WWOX: variants seen among roughly 807,000 people sequenced by gnomAD.
WWOX encodes the protein WW domain-containing oxidoreductase.
WWOX carries 69 observed loss-of-function variants against 46.2 expected under a neutral mutation model. The ratio of observed to expected loss-of-function variants is 1.49; its 90% confidence interval spans 1.23 to 1.82. The LOEUF (loss-of-function observed/expected upper bound fraction) is 1.82, where lower values mean the gene tolerates loss of function less well. Ranked by LOEUF, WWOX falls within the 40% of genes most tolerant of loss-of-function variation. The pLI is 0.00. For synonymous variants in WWOX, 359 were observed against 202.6 expected (o/e 1.77, Z -6.56); for missense variants, 919 against 542.6 (o/e 1.69, Z -6.89).
intron 8 of WWOX, among the ~76,000 whole-genome samples, chr16:78,680,015 C>T (rs2047692613): frequency 6.6e-6 from 1 of 152,214 alleles, no homozygotes; most frequent in South Asian, 2.1e-4. Flanking sequence ...GCGCTCCTAT[C>T]GGTTCTTTAT....
chr16:78,867,627 A>G (rs1043647529), intron 8 of WWOX, among the ~76,000 whole-genome samples: 2 of 151,870 alleles, frequency 1.3e-5, no homozygotes, highest in African/African-American at 4.8e-5. Context: ...TGCAACTACA[A>G]CATCCCAGGT....
intron 8 of WWOX, among the ~76,000 whole-genome samples, chr16:79,003,900 GA>G (rs1831080645): frequency 6.6e-6 from 1 of 152,184 alleles, no homozygotes; most frequent in South Asian, 2.1e-4. Flanking sequence ...TCGATGAGAG[GA>G]GAAGCGAATT....
Position 78,942,452 on chromosome 16 carries a change from A to T in WWOX, c.1057-269156A>T, listed in dbSNP as rs553392122. Among the ~76,000 whole-genome samples the T allele has an allele frequency of 5.9e-5, 9 of 152,300 alleles. No individual in the cohort carries two copies. The South Asian group carries it at 1.9e-3, about 32-fold the overall frequency. Reference sequence around the variant, plus strand: ...AATGTATGACAGCAGTTTGAAGATAAGTCTGTTGCCCCAAATAATCATAAG... The same window carrying T: ...AATGTATGACAGCAGTTTGAAGATATGTCTGTTGCCCCAAATAATCATAAG... On this transcript the variant is annotated intron_variant, in intron 8 of 8. Transcript: ENST00000566780.
intron 5 of WWOX, among the ~76,000 whole-genome samples, chr16:78,370,852 T>A (rs1046888139): frequency 2.0e-5 from 3 of 151,672 alleles, no homozygotes; most frequent in Non-Finnish European, 2.9e-5. Flanking sequence ...TCTTGTTTGT[T>A]TTTGTTTTCT....
At chr16:78,802,820 G>T (rs764495704) in intron 8 of WWOX, among the ~76,000 whole-genome samples, 1 of 148,822 alleles carries the variant, frequency 6.7e-6, no homozygotes, top group Non-Finnish European at 1.5e-5. Context: ...GGAGGCTGAA[G>T]CAGGAGAATT....
Position 78,917,274 on chromosome 16 carries a change from C to G in WWOX, c.1057-294334C>G, listed in dbSNP as rs115839243. Among the ~76,000 whole-genome samples, 395 of 152,266 alleles carry G rather than the reference C, an allele frequency of 2.6e-3. 1 individual carries two copies. Among genetic ancestry groups the G allele is most frequent in the African/African-American group, 9.2e-3 (382 of 41,558 alleles). ...GAACTGAGAGTCAGGAGGCGTGGTT[C>G]CCCTAACTCAAATCAGAATTTCGTT... On this transcript the variant is annotated intron_variant, in intron 8 of 8. Coordinates refer to ENST00000566780, the MANE Select transcript of WWOX (RefSeq NM_016373.4).
At chr16:78,573,193 G>A (rs2044762070) in intron 8 of WWOX, among the ~76,000 whole-genome samples, 1 of 152,164 alleles carries the variant, frequency 6.6e-6, no homozygotes, top group African/African-American at 2.4e-5. Flanking sequence ...GGCTGAGGCA[G>A]GAGAATGGCG....
At chr16:78,573,462 C>T (rs929638983) in intron 8 of WWOX, among the ~76,000 whole-genome samples, 2 of 152,180 alleles carry the variant, frequency 1.3e-5, no homozygotes, top group Non-Finnish European at 2.9e-5. Context: ...TTTGAATTTT[C>T]CATACTCCAT....
chr16:78,747,293 G>A (rs1188294802), intron 8 of WWOX, among the ~76,000 whole-genome samples: 1 of 150,972 alleles, frequency 6.6e-6, no homozygotes, highest in Non-Finnish European at 1.5e-5. Context: ...CCGGGTTCAA[G>A]CAATTCTCTA....
At chr16:78,719,097 C>T (rs749183055) in intron 8 of WWOX, among the ~76,000 whole-genome samples, 2 of 152,150 alleles carry the variant, frequency 1.3e-5, no homozygotes, top group African/African-American at 2.4e-5. Flanking sequence ...CCCCTCATGA[C>T]GCACAACTGG....
At chr16:78,198,249 A>G (rs2036119506) in intron 5 of WWOX, among the ~76,000 whole-genome samples, 1 of 152,054 alleles carries the variant, frequency 6.6e-6, no homozygotes, top group Admixed American at 6.6e-5. Context: ...GGACATCCCC[A>G]GCATTCAAAG....
chr16:78,405,566 G>A (rs996350272), intron 6 of WWOX, among the ~76,000 whole-genome samples: 1 of 152,160 alleles, frequency 6.6e-6, no homozygotes, highest in African/African-American at 2.4e-5. Flanking sequence ...GACATATTGA[G>A]TAAGGGCAAC....
chr16:78,697,816 G>A (rs2048132837), intron 8 of WWOX, among the ~76,000 whole-genome samples: 5 of 152,072 alleles, frequency 3.3e-5, no homozygotes, highest in African/African-American at 1.2e-4. Context: ...CTAAGTTGAG[G>A]AGCATCTGTA....
chr16:78,876,474 T>C (rs1005326273), intron 8 of WWOX, among the ~76,000 whole-genome samples: 21 of 151,910 alleles, frequency 1.4e-4, no homozygotes, highest in African/African-American at 5.1e-4. Flanking sequence ...ACTCTTCTTT[T>C]TTTTTTTTTT....
chr16:78,946,082 C>A (rs775217747), intron 8 of WWOX, among the ~76,000 whole-genome samples: 1 of 152,200 alleles, frequency 6.6e-6, no homozygotes, highest in Non-Finnish European at 1.5e-5. Context: ...ACTGGACTTT[C>A]TTAAATAAGG....
At chr16:78,330,493 T>A (rs1008143608) in intron 5 of WWOX, among the ~76,000 whole-genome samples, 1 of 151,976 alleles carries the variant, frequency 6.6e-6, no homozygotes, top group Non-Finnish European at 1.5e-5. Context: ...GCCTCCTGGG[T>A]TCAAGCAATT....
chr16:78,617,343 A>G (rs940253460), intron 8 of WWOX, among the ~76,000 whole-genome samples: 2 of 151,224 alleles, frequency 1.3e-5, no homozygotes, highest in African/African-American at 4.9e-5. Flanking sequence ...CAGAGGTTGC[A>G]GTGAGCCGAC....
intron 8 of WWOX, among the ~76,000 whole-genome samples, chr16:78,976,598 G>C (rs566904911): frequency 6.6e-6 from 1 of 152,170 alleles, no homozygotes; most frequent in East Asian, 1.9e-4. Flanking sequence ...AAAGCATGGC[G>C]TTGCGTTTCC....
intron 5 of WWOX, among the ~76,000 whole-genome samples, chr16:78,327,346 G>C (rs72792361): frequency 6.6e-6 from 1 of 152,096 alleles, no homozygotes. Flanking sequence ...AGCTTTCAAA[G>C]CCAGTTGTCA....
Sources: allele counts gnomAD v4.1 joint callset (sites outside exome capture counted in the v4.1 genomes callset), GRCh38; gene constraint gnomAD v4.1.1; transcripts MANE v1.5; gene names NCBI Gene and HGNC (gene_info 2026-07-23, HGNC 2026-07-21).